The following SBF2 variants were observed in gnomAD, a reference collection of about 807,000 sequenced individuals.
The protein encoded by SBF2 is myotubularin-related protein 13.
A neutral mutation model predicts 225.2 loss-of-function variants in SBF2; 112 were observed. The observed-to-expected ratio is 0.50, with a 90% CI of 0.43 to 0.58. SBF2 has a LOEUF of 0.58. SBF2 is among the 20% of genes least tolerant of loss of function. The probability of loss-of-function intolerance (pLI) is 0.00; values close to 1 mark genes in which losing one functional copy is unlikely to be tolerated. For synonymous variants in SBF2, 763 were observed against 773.3 expected, an observed-to-expected ratio of 0.99 and a Z score of 0.22; for missense variants, 1,996 against 2,206.2, an observed-to-expected ratio of 0.90 and a Z score of 1.91.
chr11:10,103,330 G>C (rs1952393789), intron 2 of SBF2, among the ~76,000 whole-genome samples: 2 of 152,090 alleles, frequency 1.3e-5, no homozygotes, highest in African/African-American at 4.8e-5. Context: ...CGACACACTT[G>C]GTTTATTTGG....
At chr11:9,780,777 C>G in intron 39 of SBF2, 1 of 468,198 alleles carries the variant, frequency 2.1e-6, no homozygotes, top group Non-Finnish European at 3.9e-6. Flanking sequence ...TTAGTGTCGT[C>G]TTTGACTAAG....
intron 2 of SBF2, among the ~76,000 whole-genome samples, chr11:10,171,978 A>G (rs976306937): frequency 2.0e-5 from 3 of 152,134 alleles, no homozygotes; most frequent in Non-Finnish European, 4.4e-5. Flanking sequence ...TATCTGCAGT[A>G]TCAGTTGTAA....
At chr11:9,937,784 A>G (rs1864987618) in intron 16 of SBF2, among the ~76,000 whole-genome samples, 1 of 152,150 alleles carries the variant, frequency 6.6e-6, no homozygotes, top group African/African-American at 2.4e-5. Context: ...TTAAATAAGT[A>G]TGTAAAAGCA....
chr11:10,222,932 T>C (rs1158670742), intron 1 of SBF2, among the ~76,000 whole-genome samples: 4 of 152,208 alleles, frequency 2.6e-5, no homozygotes, highest in Non-Finnish European at 4.4e-5. Context: ...TGAGTTTCAA[T>C]AACCTTATAT....
intron 28 of SBF2, among the ~76,000 whole-genome samples, chr11:9,824,010 C>G (rs1207387246): frequency 6.6e-6 from 1 of 152,062 alleles, no homozygotes; most frequent in Non-Finnish European, 1.5e-5. Flanking sequence ...GGAAACAAGC[C>G]AAATTCACAG....
chr11:10,287,252 G>A (rs1963858357), intron 1 of SBF2, among the ~76,000 whole-genome samples: 3 of 152,136 alleles, frequency 2.0e-5, no homozygotes, highest in Non-Finnish European at 2.9e-5. Flanking sequence ...AGAACTTTTT[G>A]GAAGCATGAA....
chr11:10,127,872 C>T (rs926576623), intron 2 of SBF2, among the ~76,000 whole-genome samples: 8 of 152,148 alleles, frequency 5.3e-5, no homozygotes, highest in East Asian at 1.9e-4. Context: ...AAGTAGGCTA[C>T]GCAAATTATG....
intron 16 of SBF2, chr11:9,929,288 A>C (rs35588257): frequency 0.013 from 2,240 of 176,198 alleles, 47 homozygotes; most frequent in African/African-American, 0.05. Context: ...AAAAAAAAAA[A>C]CCATCGTTTT....
At chr11:9,829,723 C>T (rs1185502337) in intron 27 of SBF2, 21 of 502,820 alleles carry the variant, frequency 4.2e-5, no homozygotes, top group South Asian at 3.0e-4. Context: ...TTGATTGCCT[C>T]ATTATGCTTC....
chr11:9,875,958 GA>G (rs1859195665), intron 17 of SBF2, among the ~76,000 whole-genome samples: 2 of 130,078 alleles, frequency 1.5e-5, no homozygotes, highest in South Asian at 2.3e-4. Flanking sequence ...AAACCTCAGA[GA>G]TTTTTTTTTT....
intron 15 of SBF2, among the ~76,000 whole-genome samples, chr11:9,963,386 A>G (rs1217781870): frequency 6.6e-6 from 1 of 152,080 alleles, no homozygotes; most frequent in African/African-American, 2.4e-5. Flanking sequence ...AATCGCTTGA[A>G]CTTGGGACGT....
intron 2 of SBF2, among the ~76,000 whole-genome samples, chr11:10,078,580 G>C (rs1468619587): frequency 6.6e-6 from 1 of 151,620 alleles, no homozygotes; most frequent in Non-Finnish European, 1.5e-5. Flanking sequence ...GTTGAACAAT[G>C]AGAACACATG....
chr11:10,035,818 G>A (rs1026459041), intron 3 of SBF2, among the ~76,000 whole-genome samples: 8 of 152,198 alleles, frequency 5.3e-5, no homozygotes, highest in Non-Finnish European at 1.2e-4. Flanking sequence ...TGTTGGGAGT[G>A]AAAACTAGTT....
intron 13 of SBF2, among the ~76,000 whole-genome samples, chr11:9,974,960 CAAAAAAAAAAAAAAAAAA>C (rs1166081188): frequency 4.3e-5 from 1 of 23,268 alleles, no homozygotes; most frequent in Non-Finnish European, 9.0e-5. Context: ...AACTTTGACT[CAAAAAAAAAAAAAAAAAA>C]AAAAAAAAAA....
At chr11:9,811,356 A>T (rs1048342912) in intron 30 of SBF2, 2 of 152,244 alleles carry the variant, frequency 1.3e-5, no homozygotes, top group African/African-American at 4.8e-5. Flanking sequence ...TTAAAAAAAG[A>T]ATTTGCTTTA....
intron 25 of SBF2, 40 bp downstream of exon 25, chr11:9,842,585 A>G (rs1856239564): frequency 1.2e-6 from 2 of 1,601,770 alleles, no homozygotes; most frequent in Non-Finnish European, 1.7e-6. Flanking sequence ...CATATAAGAA[A>G]TAAAGTTGAA....
chr11:9,841,480 A>G (rs1013467289), intron 25 of SBF2, among the ~76,000 whole-genome samples: 1 of 151,754 alleles, frequency 6.6e-6, no homozygotes, highest in Non-Finnish European at 1.5e-5. Flanking sequence ...GCAAGCTTGT[A>G]TGTACATGTT....
chr11:9,946,827 T>C (rs76365669), intron 16 of SBF2, among the ~76,000 whole-genome samples: 148 of 152,368 alleles, frequency 9.7e-4, no homozygotes, highest in Non-Finnish European at 1.6e-3. Flanking sequence ...AAGATACTAT[T>C]TTAAATTCTA....
intron 17 of SBF2, among the ~76,000 whole-genome samples, chr11:9,885,111 C>T (rs1190349345): frequency 2.0e-5 from 3 of 151,546 alleles, no homozygotes; most frequent in Non-Finnish European, 2.9e-5. Flanking sequence ...ATTAGCTGAG[C>T]GTGGTGGTAG....
Sources: gnomAD v4.1 joint callset for allele counts (sites outside exome capture counted in the v4.1 genomes callset) on GRCh38, gnomAD v4.1.1 for gene constraint, MANE v1.5 for transcripts, NCBI Gene and HGNC (gene_info 2026-07-23, HGNC 2026-07-21) for gene names.